DDX31: variants seen among roughly 807,000 people sequenced by gnomAD.
DDX31 encodes DEAD-box helicase 31, also known as ATP-dependent DNA helicase DDX31.
DDX31 carries 70 observed loss-of-function variants against 91.3 expected under a neutral mutation model. The ratio of observed to expected loss-of-function variants is 0.77; its 90% CI spans 0.63 to 0.94. The LOEUF is 0.94. DDX31 is among the 40% of genes least tolerant of loss of function. DDX31 has a pLI of 0.00. For missense variants in DDX31, 902 were observed against 925.0 expected (o/e 0.98, Z 0.32); for synonymous variants, 362 against 350.6 (o/e 1.03, Z -0.36).
intron 17 of DDX31, among the ~76,000 whole-genome samples, chr9:132,621,400 T>G (rs903649430): frequency 6.6e-6 from 1 of 152,230 alleles, no homozygotes; most frequent in African/African-American, 2.4e-5. Flanking sequence ...TTTATTCTCT[T>G]TGTAGGTAGG....
intron 5 of DDX31, among the ~76,000 whole-genome samples, chr9:132,659,255 C>A (rs552955188): frequency 6.6e-6 from 1 of 152,182 alleles, no homozygotes; most frequent in African/African-American, 2.4e-5. Context: ...AGCTGACTGC[C>A]CACTGAGGGC....
intron 6 of DDX31, among the ~76,000 whole-genome samples, chr9:132,653,583 AAAGG>A (rs1305649433): frequency 6.6e-6 from 1 of 151,406 alleles, no homozygotes; most frequent in African/African-American, 2.4e-5. Flanking sequence ...AAAAAAGATA[AAAGG>A]AATATAAGCT....
intron 1 of DDX31, among the ~76,000 whole-genome samples, chr9:132,667,179 C>T (rs113111686): frequency 9.9e-5 from 15 of 152,192 alleles, no homozygotes; most frequent in African/African-American, 3.4e-4. Flanking sequence ...AAAATTTCTG[C>T]ATAGTGTTAG....
chr9:132,647,477 T>C (rs756784189), intron 11 of DDX31, among the ~76,000 whole-genome samples: 9 of 152,222 alleles, frequency 5.9e-5, no homozygotes, highest in Non-Finnish European at 2.9e-5. Flanking sequence ...GTGGGGCATT[T>C]CTCAAACTTT....
intron 8 of DDX31, 91 bp from the exon 9 acceptor site, chr9:132,650,389 T>C: frequency 8.0e-7 from 1 of 1,255,258 alleles, no homozygotes. Context: ...AAACAAGGCA[T>C]GGGAGAAAAC....
chr9:132,603,580 G>A (rs1226794993), intron 19 of DDX31, among the ~76,000 whole-genome samples: 1 of 152,346 alleles, frequency 6.6e-6, no homozygotes, highest in East Asian at 1.9e-4. Context: ...TCTCTCAAAT[G>A]ATATGAACTA....
At chr9:132,643,606 T>A (rs1165997088) in intron 13 of DDX31, among the ~76,000 whole-genome samples, 2 of 152,090 alleles carry the variant, frequency 1.3e-5, no homozygotes, top group Non-Finnish European at 1.5e-5. Flanking sequence ...AACAACCCTA[T>A]GTGTAAGTAC....
chr9:132,602,562 T>G (rs1830778203), intron 19 of DDX31, among the ~76,000 whole-genome samples: 1 of 152,200 alleles, frequency 6.6e-6, no homozygotes, highest in Non-Finnish European at 1.5e-5. Flanking sequence ...CTCCTAGCAC[T>G]GTACCGTTCT....
At chr9:132,623,689 A>G (rs780424688) in intron 17 of DDX31, among the ~76,000 whole-genome samples, 6 of 152,062 alleles carry the variant, frequency 3.9e-5, no homozygotes, top group Admixed American at 2.6e-4. Flanking sequence ...AAAGAAACTA[A>G]GGCTTAGAGA....
At chr9:132,626,682 G>A (rs191685699) in intron 16 of DDX31, among the ~76,000 whole-genome samples, 1 of 151,864 alleles carries the variant, frequency 6.6e-6, no homozygotes, top group East Asian at 1.9e-4. Context: ...AACATGAATG[G>A]CAACCTCTTA....
At chr9:132,662,731 T>C in intron 1 of DDX31, 36 bp from the exon 2 acceptor site, 1 of 1,612,430 alleles carries the variant, frequency 6.2e-7, no homozygotes, top group Non-Finnish European at 8.5e-7. Context: ...CAACAAGAGA[T>C]GCATTAGTCC....
Position 132,595,315 on chromosome 9 carries a change from G to A in DDX31, c.1995-203C>T, listed in dbSNP as rs984968650. Reference sequence around the variant, plus strand: ...GGCGCTGACAGATTTTCATAACAGCGGCAAAATATCATGGCATTTTTAAAA... The same window carrying A: ...GGCGCTGACAGATTTTCATAACAGCAGCAAAATATCATGGCATTTTTAAAA... On this transcript the variant is annotated intron_variant, in intron 19 of 19. Transcript: ENST00000372159. This position sits in a 1 kb window ranked among gnomAD's most constrained non-coding sequence, Gnocchi z 4.6. 2.0e-5 allele frequency among the ~76,000 whole-genome samples: 3 copies of A among 152,058 alleles called. No individual in the cohort carries two copies. Among genetic ancestry groups the A allele is most frequent in the Non-Finnish European group, 2.9e-5 (2 of 68,006 alleles).
At chr9:132,658,782 T>C in intron 5 of DDX31, 47 bp from the exon 6 acceptor site, 2 of 1,567,714 alleles carry the variant, frequency 1.3e-6, no homozygotes, top group Non-Finnish European at 1.7e-6. Flanking sequence ...ACCCTACAGA[T>C]GTTTAAGAAA....
intron 8 of DDX31, among the ~76,000 whole-genome samples, chr9:132,650,722 T>C (rs1416977107): frequency 1.3e-5 from 2 of 152,236 alleles, no homozygotes; most frequent in Non-Finnish European, 2.9e-5. Context: ...GCTGGCTGGC[T>C]TTGATTCTGA....
intron 1 of DDX31, among the ~76,000 whole-genome samples, chr9:132,667,024 T>C (rs1835358346): frequency 6.6e-6 from 1 of 151,860 alleles, no homozygotes; most frequent in Admixed American, 6.6e-5. Flanking sequence ...TTTTTTTGTA[T>C]TTTTAGTAGA....
intron 1 of DDX31, among the ~76,000 whole-genome samples, chr9:132,665,332 G>A (rs573386934): frequency 2.0e-5 from 3 of 152,146 alleles, no homozygotes; most frequent in African/African-American, 4.8e-5. Flanking sequence ...AAGAAGCTTC[G>A]TTCTGAAGAT....
At chr9:132,669,695 G>C (rs928017349) in intron 1 of DDX31, 165 bp downstream of exon 1, 10 of 1,533,812 alleles carry the variant, frequency 6.5e-6, no homozygotes, top group Middle Eastern at 1.7e-4. Flanking sequence ...GTTCCGGTTA[G>C]AGACACGTGT....
At chr9:132,658,143 T>A in intron 6 of DDX31, 1 of 597,812 alleles carries the variant, frequency 1.7e-6, no homozygotes, top group Non-Finnish European at 3.0e-6. Flanking sequence ...CCACGTTAGG[T>A]ACTGTGGAAG....
At chr9:132,664,730 A>AC (rs1291783765) in intron 1 of DDX31, among the ~76,000 whole-genome samples, 1 of 151,462 alleles carries the variant, frequency 6.6e-6, no homozygotes, top group Non-Finnish European at 1.5e-5. Flanking sequence ...AAAAAAAAAA[A>AC]AAAAAAACTG....
Sources: gnomAD v4.1 joint callset for allele counts (sites outside exome capture counted in the v4.1 genomes callset) on GRCh38, gnomAD v4.1.1 for gene constraint, Gnocchi (gnomAD v3.1) non-coding constraint, MANE v1.5 for transcripts, NCBI Gene and HGNC (gene_info 2026-07-23, HGNC 2026-07-21) for gene names.